Variants in APBB2 observed in about 807,000 individuals in gnomAD.
The protein encoded by APBB2 is Fe65-like 1.
A neutral mutation model predicts 82.5 loss-of-function variants in APBB2; 38 were observed. The observed-to-expected ratio is 0.46, with a 90% CI of 0.36 to 0.60. The LOEUF is 0.60. Ranked by LOEUF, APBB2 falls within the 20% of genes least tolerant of loss-of-function variation. The probability of loss-of-function intolerance (pLI) is 0.00; values close to 1 mark genes in which losing one functional copy is unlikely to be tolerated. For missense variants in APBB2, 772 were observed against 972.3 expected, an observed-to-expected ratio of 0.79 and a Z score of 2.74; for synonymous variants, 341 against 368.2, an observed-to-expected ratio of 0.93 and a Z score of 0.85.
In APBB2 at chr4:40,945,035, C is replaced by T; in HGVS notation, c.874G>A (p.Asp292Asn). ...WSDHSFQTDP[D>N]LPPGWKRVSD... ...ACTCTTTTCCAGCCAGGCGGCAAAT[C>T]TGGATCAGTCTGAAATGAGTGATCA... The change falls in exon 7 of 18, where the codon GAT becomes AAT. Residue 292 changes from aspartate to asparagine, a missense_variant. By Grantham distance (23) the Asp-to-Asn change is conservative (BLOSUM62 1). Transcript: ENST00000508593. 2.5e-6 allele frequency: 4 copies of T among 1,597,236 alleles called. No homozygotes were observed. The highest frequency in any genetic ancestry group is 3.4e-6 in the Non-Finnish European group (4 of 1,175,556).
chr4:41,143,996 A>G (rs1342780245), intron 1 of APBB2, among the ~76,000 whole-genome samples: 1 of 152,260 alleles, frequency 6.6e-6, no homozygotes, highest in Non-Finnish European at 1.5e-5. Context: ...CTGGTGGTGC[A>G]GCTAGCAATT....
intron 10 of APBB2, among the ~76,000 whole-genome samples, chr4:40,898,853 A>ACT (rs151170383): frequency 3.6e-5 from 3 of 83,940 alleles, no homozygotes; most frequent in African/African-American, 7.4e-5. Flanking sequence ...ACACACACAC[A>ACT]CTCACACACA....
At chr4:40,823,542 C>T in intron 16 of APBB2, 102 bp downstream of exon 16, 1 of 802,728 alleles carries the variant, frequency 1.2e-6, no homozygotes, top group Non-Finnish European at 2.1e-6. Flanking sequence ...CACAAGGATG[C>T]ACAACTCCGG....
intron 12 of APBB2, among the ~76,000 whole-genome samples, chr4:40,860,113 C>A (rs2154334357): frequency 6.6e-6 from 1 of 152,342 alleles, no homozygotes; most frequent in South Asian, 2.1e-4. Flanking sequence ...CTTACAGAGT[C>A]TGGTTTTGTT....
intron 1 of APBB2, among the ~76,000 whole-genome samples, chr4:41,165,277 T>G (rs149657236): frequency 6.6e-6 from 1 of 152,186 alleles, no homozygotes; most frequent in Admixed American, 6.5e-5. Context: ...AAGGACTATC[T>G]TGGATTCTCT....
chr4:40,849,113 C>A (rs1758518830), intron 12 of APBB2, among the ~76,000 whole-genome samples: 2 of 152,208 alleles, frequency 1.3e-5, no homozygotes, highest in African/African-American at 4.8e-5. Flanking sequence ...GGGAATGATG[C>A]CACAAACAGT....
chr4:41,056,519 A>G (rs1300421029), intron 4 of APBB2, among the ~76,000 whole-genome samples: 1 of 152,066 alleles, frequency 6.6e-6, no homozygotes, highest in Non-Finnish European at 1.5e-5. Flanking sequence ...CCCTCCTCTA[A>G]ACTGCTTCAT....
intron 1 of APBB2, among the ~76,000 whole-genome samples, chr4:41,159,907 A>AGG (rs1764418857): frequency 2.8e-5 from 1 of 35,620 alleles, no homozygotes; most frequent in African/African-American, 1.3e-4. Context: ...GAAGAAGGAG[A>AGG]AGGAGGAGGA....
chr4:41,193,443 G>A, intron 1 of APBB2: 1 of 295,820 alleles, frequency 3.4e-6, no homozygotes, highest in Non-Finnish European at 5.0e-6. Flanking sequence ...CAAGGTCACA[G>A]CTGGTGACAA....
chr4:40,851,304 A>G (rs899720184), intron 12 of APBB2, among the ~76,000 whole-genome samples: 26 of 152,176 alleles, frequency 1.7e-4, no homozygotes, highest in African/African-American at 6.3e-4. Flanking sequence ...CTTTTGCTCA[A>G]TTTAAATCTT....
Position 40,827,141 on chromosome 4 carries a change from G to A in APBB2, c.1723C>T (p.Pro575Ser). ...QERANVNLDV[P>S]LQVDFPTPKT... Reference sequence around the variant, plus strand: ...GGTGCCACTGACTTACCTTGCAAAGGGACATCGAGGTTCACATTGGCCCTT... The same window carrying A: ...GGTGCCACTGACTTACCTTGCAAAGAGACATCGAGGTTCACATTGGCCCTT... The change falls in exon 14 of 18, where the codon CCT becomes TCT. Residue 575 changes from proline (P) to serine (S), a missense_variant. Pro to Ser is a moderately conservative substitution (Grantham distance 74). Transcript: ENST00000508593. The A allele has an allele frequency of 3.1e-6, 5 of 1,614,080 alleles. No individual in the cohort carries two copies. The highest frequency in any genetic ancestry group is 4.2e-6 in the Non-Finnish European group (5 of 1,179,956).
chr4:40,978,460 A>G (rs1038880328), intron 6 of APBB2, among the ~76,000 whole-genome samples: 1 of 152,234 alleles, frequency 6.6e-6, no homozygotes, highest in Non-Finnish European at 1.5e-5. Context: ...CACTAGAGAA[A>G]AACACTGTCT....
At chr4:40,821,748 A>G (rs2465541) in intron 17 of APBB2, 123 bp downstream of exon 17, 305,037 of 1,119,868 alleles carry the variant, frequency 0.27, 45,680 homozygotes, top group Non-Finnish European at 0.31. Context: ...GGCGTTATAA[A>G]GTAAAGCATT....
At chr4:40,913,439 G>A (rs1389109610) in intron 10 of APBB2, among the ~76,000 whole-genome samples, 2 of 152,178 alleles carry the variant, frequency 1.3e-5, no homozygotes, top group Non-Finnish European at 2.9e-5. Context: ...GAGTCCACTC[G>A]GAATAATGCC....
At chr4:41,085,211 ACTGCACTCCAGC>A (rs1321184816) in intron 3 of APBB2, among the ~76,000 whole-genome samples, 18 of 148,028 alleles carry the variant, frequency 1.2e-4, no homozygotes, top group Non-Finnish European at 2.4e-4. Flanking sequence ...AAATTGCACC[ACTGCACTCCAGC>A]CTGGGTGACA....
rs1381558507 is a variant in APBB2 at position 40,814,614 on chromosome 4, A to G, written c.*1478T>C. On this transcript the variant is annotated 3_prime_UTR_variant, in exon 18 of 18. Coordinates refer to ENST00000508593, the MANE Select transcript of APBB2 (RefSeq NM_004307.2). ...GACAAGTACATAGCAGTGTATAAACATAAAGCATTACTTTTATAATTGGAT... is the reference window on the plus strand; with the variant it reads ...GACAAGTACATAGCAGTGTATAAACGTAAAGCATTACTTTTATAATTGGAT... 1 of 152,250 alleles carries G rather than the reference A, an allele frequency of 6.6e-6. No homozygotes were observed. Among genetic ancestry groups the G allele is most frequent in the Non-Finnish European group, 1.5e-5 (1 of 68,038 alleles). The allele number at this position is 152,250 out of a possible 1,614,324, so 9.4% of individuals were successfully genotyped here. A position where few individuals can be genotyped will look rare whatever the true frequency, so the allele number is the denominator to read the frequency against.
chr4:41,049,349 G>C lies in APBB2; in HGVS notation c.-50-16045C>G, dbSNP rs369899478. On this transcript the variant is annotated intron_variant, in intron 4 of 17. Transcript: ENST00000508593. ...GAGAAGTGAGGAGCGTCTCCGACCG[G>C]CAGCCGCCCCGTCCGGGAGGTGGGG... Among the ~76,000 whole-genome samples the C allele has an allele frequency of 2.3e-4, 19 of 82,980 alleles. 3 individuals carry two copies. In the East Asian group the frequency reaches 2.4e-3, roughly 10 times the overall value. 54.4% of individuals were successfully genotyped at this position (82,980 alleles called of 152,430 possible). A position where few individuals can be genotyped will look rare whatever the true frequency, so the allele number is the denominator to read the frequency against.
chr4:40,844,310 G>A (rs1366324576), intron 12 of APBB2, among the ~76,000 whole-genome samples: 2 of 152,152 alleles, frequency 1.3e-5, no homozygotes, highest in African/African-American at 4.8e-5. Context: ...CATTGAAGAG[G>A]GGATAAGGAC....
At chr4:40,971,996 G>T (rs2154398638) in intron 6 of APBB2, among the ~76,000 whole-genome samples, 1 of 152,094 alleles carries the variant, frequency 6.6e-6, no homozygotes, top group African/African-American at 2.4e-5. Flanking sequence ...TATAATATTT[G>T]GTTTCAATCT....
Sources: allele counts gnomAD v4.1 joint callset (sites outside exome capture counted in the v4.1 genomes callset), GRCh38; gene constraint gnomAD v4.1.1; transcripts MANE v1.5; gene names NCBI Gene and HGNC (gene_info 2026-07-23, HGNC 2026-07-21).